The following CNOT10 variants were observed in gnomAD, a reference collection of about 807,000 sequenced individuals.
The protein encoded by CNOT10 is CCR4-NOT transcription complex, subunit 10.
A neutral mutation model predicts 94.6 loss-of-function variants in CNOT10; 30 were observed. The observed-to-expected ratio is 0.32, with a 90% CI of 0.24 to 0.43. The LOEUF (loss-of-function observed/expected upper bound fraction) is 0.43, where lower values mean the gene tolerates loss of function less well. CNOT10 is among the 20% of genes least tolerant of loss of function. The probability of loss-of-function intolerance (pLI) is 1.00; values close to 1 mark genes in which losing one functional copy is unlikely to be tolerated. For missense variants in CNOT10, 759 were observed against 877.2 expected, an observed-to-expected ratio of 0.87 and a Z score of 1.70; for synonymous variants, 289 against 301.6, an observed-to-expected ratio of 0.96 and a Z score of 0.43.
chr3:32,748,194 C>G (rs1427964793), intron 13 of CNOT10, among the ~76,000 whole-genome samples: 1 of 152,136 alleles, frequency 6.6e-6, no homozygotes, highest in Non-Finnish European at 1.5e-5. Flanking sequence ...CAGAGCTGCT[C>G]TAAGGTTTTA....
At chr3:32,723,597 T>G (rs1450488095) in intron 8 of CNOT10, among the ~76,000 whole-genome samples, 1 of 152,130 alleles carries the variant, frequency 6.6e-6, no homozygotes, top group Non-Finnish European at 1.5e-5. Flanking sequence ...AAAACATGGC[T>G]AAATTTGATC....
chr3:32,687,460 T>TTTTTTTTTTTTTG, intron 1 of CNOT10, among the ~76,000 whole-genome samples: 2 of 100,106 alleles, frequency 2.0e-5, no homozygotes, highest in South Asian at 3.7e-4. Flanking sequence ...TTGTTTTTTT[T>TTTTTTTTTTTTTG]TTTTTTTTTG....
In CNOT10 at chr3:32,764,645, C is replaced by T. The variant is rs201496366; in HGVS notation, c.1877-37C>T. The T allele has an allele frequency of 2.5e-5, 40 of 1,609,502 alleles. No homozygotes were observed. In the African/African-American group the frequency reaches 2.7e-4, roughly 11 times the overall value. On this transcript the variant is annotated intron_variant, in intron 16 of 18. Coordinates refer to ENST00000328834, the MANE Select transcript of CNOT10 (RefSeq NM_015442.3). ...TTGGGTTGCTTCCTTGCTGTTGGCA[C>T]GGCCTCTTCACCAGTGTCTACACTC...
chr3:32,753,126 TCAATC>T (rs1481086080), intron 13 of CNOT10: 6 of 577,142 alleles, frequency 1.0e-5, no homozygotes, highest in Non-Finnish European at 2.0e-5. Flanking sequence ...TCTCTCGAAT[TCAATC>T]CAAATAATTC....
chr3:32,695,496 G>A (rs1032332606), intron 1 of CNOT10: 1 of 1,370,644 alleles, frequency 7.3e-7, no homozygotes, highest in Admixed American at 2.4e-5. Flanking sequence ...CCACCAATCA[G>A]ATTTGAATGA....
Position 32,759,130 on chromosome 3 carries a change from AGTGT to A in CNOT10, c.1596-307_1596-304del, listed in dbSNP as rs10601347. On this transcript the variant is annotated intron_variant, in intron 13 of 18. Transcript: ENST00000328834. ...AGTTCTCATTAGGCTATATATATAT[AGTGT>A]GTGTGTGTGTGTGTGTGTGTATTTA... Among the ~76,000 whole-genome samples the A allele has an allele frequency of 2.7e-3, 409 of 149,334 alleles. 1 individual carries two copies. The highest frequency in any genetic ancestry group is 7.2e-3 in the African/African-American group (294 of 40,760).
chr3:32,717,580 A>G (rs1205558917), intron 7 of CNOT10, among the ~76,000 whole-genome samples: 1 of 152,182 alleles, frequency 6.6e-6, no homozygotes, highest in Non-Finnish European at 1.5e-5. Context: ...TATACTCAAA[A>G]CATTTATGGC....
rs370142940 is a variant in CNOT10, at chr3:32,704,796, GTT to G, written c.118-4_118-3del. 8.4e-5 allele frequency: 100 copies of G among 1,186,228 alleles called. No homozygotes were observed. Among genetic ancestry groups the G allele is most frequent in the Admixed American group, 3.6e-4 (13 of 35,840 alleles). The allele number at this position is 1,186,228 out of a possible 1,614,324, so 73.5% of individuals were successfully genotyped here. On this transcript the variant is annotated splice_polypyrimidine_tract_variant and intron_variant, in intron 2 of 18. Coordinates refer to ENST00000328834, the MANE Select transcript of CNOT10 (RefSeq NM_015442.3). ...ATGTAATTTTGTGTGTGTGTGTGTG[GTT>G]TTTTTTTTTTAGTCTGGAAATTATG...
Position 32,715,774 on chromosome 3 carries a change from T to C in CNOT10, c.574-451T>C, listed in dbSNP as rs192765149. On this transcript the variant is annotated intron_variant, in intron 5 of 18. Coordinates refer to ENST00000328834, the MANE Select transcript of CNOT10 (RefSeq NM_015442.3). Reference sequence around the variant, plus strand: ...CTTCCTGTCACCCACTCTAGACTACTGAACCTCAGTCTCTAGGAGTGGGAC... The same window carrying C: ...CTTCCTGTCACCCACTCTAGACTACCGAACCTCAGTCTCTAGGAGTGGGAC... Among the ~76,000 whole-genome samples the C allele has an allele frequency of 2.6e-3, 392 of 152,334 alleles. 4 individuals are homozygous for C. The highest frequency in any genetic ancestry group is 9.0e-3 in the African/African-American group (374 of 41,580).
Position 32,764,441 on chromosome 3 carries a change from T to C in CNOT10, c.1841-14T>C. ...GTTGTTCTGCCCCTCAGATTTATTT[T>C]CGTGTTTTTGTAGGATCAGACAAAG... On this transcript the variant is annotated splice_polypyrimidine_tract_variant and intron_variant, in intron 15 of 18. Transcript: ENST00000328834. 6.2e-7 allele frequency: 1 copy of C among 1,613,576 alleles called. No homozygotes were observed.
At chr3:32,707,606 C>A (rs1697682627) in intron 3 of CNOT10, among the ~76,000 whole-genome samples, 1 of 152,066 alleles carries the variant, frequency 6.6e-6, no homozygotes, top group Admixed American at 6.6e-5. Context: ...GAGTTCAAGA[C>A]CAGCCTGGCC....
intron 1 of CNOT10, chr3:32,695,765 G>A (rs1389068915): frequency 2.0e-6 from 3 of 1,535,872 alleles, no homozygotes; most frequent in South Asian, 1.2e-5. Flanking sequence ...CTTTCAATTG[G>A]CAACGGAGAC....
At chr3:32,743,522 T>A (rs575945021) in intron 13 of CNOT10, among the ~76,000 whole-genome samples, 1 of 152,090 alleles carries the variant, frequency 6.6e-6, no homozygotes, top group African/African-American at 2.4e-5. Flanking sequence ...CAGTCCCAGC[T>A]ACACGGGAGG....
intron 9 of CNOT10, among the ~76,000 whole-genome samples, chr3:32,726,784 A>G (rs997314931): frequency 6.7e-6 from 1 of 150,072 alleles, no homozygotes; most frequent in Non-Finnish European, 1.5e-5. Flanking sequence ...CGAAACATTG[A>G]ATAGGTTTTA....
chr3:32,695,409 C>A, intron 1 of CNOT10: 2 of 536,292 alleles, frequency 3.7e-6, no homozygotes, highest in East Asian at 3.5e-5. Flanking sequence ...CTTTTAACAT[C>A]CCTTTTTTCT....
At chr3:32,698,348 T>C (rs1697174479) in intron 1 of CNOT10, among the ~76,000 whole-genome samples, 1 of 152,170 alleles carries the variant, frequency 6.6e-6, no homozygotes, top group Non-Finnish European at 1.5e-5. Flanking sequence ...AGCAGATAAG[T>C]TCTTAGATGA....
At chr3:32,697,394 C>T (rs1246831679) in intron 1 of CNOT10, among the ~76,000 whole-genome samples, 12 of 152,198 alleles carry the variant, frequency 7.9e-5, no homozygotes, top group Admixed American at 2.6e-4. Context: ...GGTGCTCTTA[C>T]AGTTGGTCCC....
chr3:32,706,115 A>G (rs1355162755), intron 3 of CNOT10, among the ~76,000 whole-genome samples: 1 of 152,170 alleles, frequency 6.6e-6, no homozygotes, highest in Non-Finnish European at 1.5e-5. Flanking sequence ...CTGACTCTTG[A>G]GCCTGTTCTC....
At chr3:32,737,695 C>T (rs1699249371) in intron 13 of CNOT10, among the ~76,000 whole-genome samples, 1 of 151,902 alleles carries the variant, frequency 6.6e-6, no homozygotes, top group African/African-American at 2.4e-5. Context: ...TGGTGGCAGG[C>T]GCCTGTAATC....
Sources: gnomAD v4.1 joint callset for allele counts (sites outside exome capture counted in the v4.1 genomes callset) on GRCh38, gnomAD v4.1.1 for gene constraint, MANE v1.5 for transcripts, NCBI Gene and HGNC (gene_info 2026-07-23, HGNC 2026-07-21) for gene names.